The following RP1 variants were observed in gnomAD, a reference collection of about 807,000 sequenced individuals.
The protein encoded by RP1 is RP1 axonemal microtubule associated.
RP1 carries 16 observed loss-of-function variants against 14.8 expected under a neutral mutation model. That is an observed-to-expected ratio of 1.08 (90% CI 0.73 to 1.65). RP1 has a LOEUF of 1.65. RP1 is among the 40% of genes most tolerant of loss of function. The probability of loss-of-function intolerance (pLI) is 0.00; values close to 1 mark genes in which losing one functional copy is unlikely to be tolerated. For synonymous variants in RP1, 876 were observed against 883.6 expected (o/e 0.99, Z 0.15); for missense variants, 2,631 against 2,535.0 (o/e 1.04, Z -0.81).
chr8:54,762,001 G>C (rs1269773406), intron 22 of RP1, among the ~76,000 whole-genome samples: 2 of 152,140 alleles, frequency 1.3e-5, no homozygotes, highest in African/African-American at 4.8e-5. Context: ...ATGAGGTCAA[G>C]GTCAGTGTCC....
chr8:54,811,985 A>T (rs1454482379), intron 24 of RP1, among the ~76,000 whole-genome samples: 3 of 152,362 alleles, frequency 2.0e-5, no homozygotes, highest in Non-Finnish European at 2.9e-5. Flanking sequence ...ATTGAACAAT[A>T]TTTGTCAACT....
intron 23 of RP1, among the ~76,000 whole-genome samples, chr8:54,782,328 T>C (rs1585687751): frequency 6.6e-6 from 1 of 152,276 alleles, no homozygotes; most frequent in Non-Finnish European, 1.5e-5. Context: ...AAAATTTATT[T>C]GATGCAAGTT....
At chr8:54,849,847 T>C (rs542284685) in intron 25 of RP1, among the ~76,000 whole-genome samples, 7 of 152,050 alleles carry the variant, frequency 4.6e-5, no homozygotes, top group Non-Finnish European at 7.4e-5. Flanking sequence ...ATAGTTAAAA[T>C]GGTAATAAAT....
At position 54,626,431 on chromosome 8, in the gene RP1, T is replaced by C. The variant is rs1806051995; in HGVS notation, c.2549T>C (p.Met850Thr). ...AEVASGYLRG[M>T]AKKSLVSKVT... is the part of the protein sequence containing the mutation. Reference sequence around the variant, plus strand: ...GTGGCATCTGGGTATTTGAGAGGAATGGCAAAGAAGAGTTTAGTTTCAAAA... The same window carrying C: ...GTGGCATCTGGGTATTTGAGAGGAACGGCAAAGAAGAGTTTAGTTTCAAAA... The change falls in exon 4 of 4, where the codon ATG (methionine) becomes ACG (threonine). Residue 850 changes from methionine to threonine, a missense_variant. By Grantham distance (81) the Met-to-Thr change is moderately conservative. Transcript: ENST00000220676. 6.2e-7 allele frequency: 1 copy of C among 1,613,664 alleles called. No individual in the cohort carries two copies. The highest frequency in any genetic ancestry group is 2.2e-5 in the East Asian group (1 of 44,800).
chr8:54,567,927 A>G (rs1804441509), intron 1 of RP1, among the ~76,000 whole-genome samples: 1 of 152,226 alleles, frequency 6.6e-6, no homozygotes, highest in African/African-American at 2.4e-5. Flanking sequence ...TTTGGCTTCA[A>G]ACAAAAGCAG....
intron 4 of RP1, among the ~76,000 whole-genome samples, chr8:54,651,975 C>G (rs1045128764): frequency 6.7e-6 from 1 of 148,226 alleles, no homozygotes; most frequent in African/African-American, 2.5e-5. Flanking sequence ...GTTCTTTGAC[C>G]TATTTGTTGC....
At chr8:54,818,539 A>G (rs1190990185) in intron 24 of RP1, among the ~76,000 whole-genome samples, 1 of 152,208 alleles carries the variant, frequency 6.6e-6, no homozygotes, top group African/African-American at 2.4e-5. Context: ...CTAATGACAG[A>G]CCTCTTGATG....
intron 1 of RP1, among the ~76,000 whole-genome samples, chr8:54,579,259 T>C (rs144170197): frequency 1.3e-5 from 2 of 152,298 alleles, no homozygotes; most frequent in Non-Finnish European, 2.9e-5. Flanking sequence ...GACAGCCTCG[T>C]TTAATGATTC....
intron 12 of RP1, among the ~76,000 whole-genome samples, chr8:54,699,033 A>G (rs1448349046): frequency 6.6e-6 from 1 of 152,138 alleles, no homozygotes; most frequent in Non-Finnish European, 1.5e-5. Context: ...AACTTAAAGT[A>G]TAATAAAATA....
In RP1 at chr8:54,628,942, C is replaced by T. The variant is rs1806164427; in HGVS notation, c.5060C>T (p.Ser1687Phe). ...GQSFGSSEQV[S>F]SSSSMLQEFQ... is the part of the protein sequence containing the mutation. Reference sequence around the variant, plus strand: ...TCATTTGGCTCTTCTGAACAGGTATCTAGTAGTTCATCTATGTTGCAGGAA... The same window carrying T: ...TCATTTGGCTCTTCTGAACAGGTATTTAGTAGTTCATCTATGTTGCAGGAA... Residue 1687 changes from serine to phenylalanine, a missense_variant, in exon 4 of 4, where the codon TCT becomes TTT. By Grantham distance (155) the Ser-to-Phe change is radical (BLOSUM62 -2). Transcript: ENST00000220676. The T allele has an allele frequency of 1.9e-6, 3 of 1,613,934 alleles. No homozygotes were observed. In the African/African-American group the frequency reaches 4.0e-5, roughly 22 times the overall value.
intron 3 of RP1, among the ~76,000 whole-genome samples, chr8:54,646,949 T>C (rs1016401876): frequency 6.6e-6 from 1 of 152,198 alleles, no homozygotes; most frequent in Non-Finnish European, 1.5e-5. Context: ...TAGTTTGTAA[T>C]TGCAATTTAA....
intron 18 of RP1, among the ~76,000 whole-genome samples, chr8:54,738,543 C>T (rs559107383): frequency 6.6e-6 from 1 of 152,168 alleles, no homozygotes; most frequent in South Asian, 2.1e-4. Context: ...GTAGAAATCA[C>T]CATATTTAGC....
At chr8:54,689,574 C>A (rs1807659632) in intron 12 of RP1, among the ~76,000 whole-genome samples, 1 of 152,066 alleles carries the variant, frequency 6.6e-6, no homozygotes, top group Non-Finnish European at 1.5e-5. Context: ...GAAGTTATAC[C>A]AGTTTTCACT....
At chr8:54,586,743 A>T (rs1289252107) in intron 1 of RP1, among the ~76,000 whole-genome samples, 1 of 151,838 alleles carries the variant, frequency 6.6e-6, no homozygotes, top group African/African-American at 2.4e-5. Context: ...TTGATCTCAG[A>T]CTGCTGTGCT....
At chr8:54,804,151 G>A (rs112448257) in intron 24 of RP1, among the ~76,000 whole-genome samples, 1 of 151,222 alleles carries the variant, frequency 6.6e-6, no homozygotes, top group African/African-American at 2.4e-5. Context: ...TGTGGGGGGG[G>A]GCTAGGTTAG....
intron 1 of RP1, among the ~76,000 whole-genome samples, chr8:54,563,299 G>A (rs1447271087): frequency 6.6e-6 from 1 of 152,144 alleles, no homozygotes; most frequent in East Asian, 1.9e-4. Flanking sequence ...TCAGGGACAC[G>A]CTCACTCTGT....
At chr8:54,849,792 A>T (rs1017008095) in intron 25 of RP1, among the ~76,000 whole-genome samples, 6 of 152,230 alleles carry the variant, frequency 3.9e-5, no homozygotes, top group Admixed American at 3.9e-4. Context: ...AAACATGCTG[A>T]GCTTTGATAA....
intron 19 of RP1, among the ~76,000 whole-genome samples, chr8:54,744,803 T>G (rs1809185367): frequency 6.6e-6 from 1 of 152,232 alleles, no homozygotes; most frequent in African/African-American, 2.4e-5. Flanking sequence ...TTTATGTCTT[T>G]TATATAGTCT....
chr8:54,761,937 C>T (rs1585670143), intron 22 of RP1, among the ~76,000 whole-genome samples: 1 of 152,146 alleles, frequency 6.6e-6, no homozygotes, highest in South Asian at 2.1e-4. Context: ...CAGAAAAAGG[C>T]CATTCTGAAG....
Sources: gnomAD v4.1 joint callset for allele counts (sites outside exome capture counted in the v4.1 genomes callset) on GRCh38, gnomAD v4.1.1 for gene constraint, MANE v1.5 for transcripts, NCBI Gene and HGNC (gene_info 2026-07-23, HGNC 2026-07-21) for gene names.